The following COL11A1 variants were observed in gnomAD, a reference collection of about 807,000 sequenced individuals.
The protein encoded by COL11A1 is collagen type XI alpha 1 chain, also known as collagen alpha-1(XI) chain.
Under a neutral mutation model 265.2 loss-of-function variants are expected in COL11A1, and 74 were observed. The observed-to-expected ratio is 0.28, with a 90% CI of 0.23 to 0.34. COL11A1 has a LOEUF of 0.34. COL11A1 is among the 10% of genes least tolerant of loss of function. The pLI is 1.00. For missense variants in COL11A1, 2,165 were observed against 2,263.6 expected, an observed-to-expected ratio of 0.96 and a Z score of 0.88; for synonymous variants, 816 against 727.6, an observed-to-expected ratio of 1.12 and a Z score of -1.96.
chr1:102,890,514 A>G lies in COL11A1; in HGVS notation c.4303-10T>C, dbSNP rs912413662. ...GTAAGCCAGGAGGTCCCTAAATAATAACAAAAAAAAAACCCCAAAACAAAA... is the reference window on the plus strand; with the variant it reads ...GTAAGCCAGGAGGTCCCTAAATAATGACAAAAAAAAAACCCCAAAACAAAA... On this transcript the variant is annotated splice_polypyrimidine_tract_variant and intron_variant, in intron 57 of 66. Transcript: ENST00000370096. 3.2e-6 allele frequency: 5 copies of G among 1,586,330 alleles called. No homozygotes were observed. The highest frequency in any genetic ancestry group is 4.3e-6 in the Non-Finnish European group (5 of 1,171,558).
At chr1:102,993,901 A>G (rs577702703) in intron 28 of COL11A1, among the ~76,000 whole-genome samples, 1 of 152,218 alleles carries the variant, frequency 6.6e-6, no homozygotes, top group Admixed American at 6.5e-5. Context: ...GGTTTATTGA[A>G]TCCATGGATG....
intron 49 of COL11A1, among the ~76,000 whole-genome samples, chr1:102,916,354 G>C (rs1655341272): frequency 6.6e-6 from 1 of 152,070 alleles, no homozygotes; most frequent in Non-Finnish European, 1.5e-5. Flanking sequence ...AGCTATGAAA[G>C]TCTGTTGCTA....
intron 37 of COL11A1, 72 bp from the exon 38 acceptor site, chr1:102,965,612 C>A: frequency 8.2e-7 from 1 of 1,222,812 alleles, no homozygotes; most frequent in Non-Finnish European, 1.2e-6. Flanking sequence ...TATGAGATAG[C>A]TGAATAAGTC....
chr1:103,005,275 T>A (rs1023103355), intron 18 of COL11A1, among the ~76,000 whole-genome samples: 2 of 152,156 alleles, frequency 1.3e-5, no homozygotes, highest in Admixed American at 6.5e-5. Context: ...CTAAAGCTGA[T>A]CTTTTTCTGA....
chr1:102,897,691 G>GT, intron 57 of COL11A1, among the ~76,000 whole-genome samples: 1 of 152,202 alleles, frequency 6.6e-6, no homozygotes, highest in East Asian at 1.9e-4. Flanking sequence ...TTTTCACTGA[G>GT]TTTTACTGTT....
chr1:103,070,492 A>T (rs1345604322), intron 4 of COL11A1, among the ~76,000 whole-genome samples: 1 of 151,846 alleles, frequency 6.6e-6, no homozygotes, highest in Non-Finnish European at 1.5e-5. Flanking sequence ...CATTTGTAAA[A>T]GTCCCAGAAA....
At chr1:103,030,221 C>T (rs930144292) in intron 5 of COL11A1, among the ~76,000 whole-genome samples, 2 of 151,932 alleles carry the variant, frequency 1.3e-5, no homozygotes, top group African/African-American at 4.8e-5. Flanking sequence ...CTGTTAGGTT[C>T]TTAAAATTTT....
In COL11A1 at chr1:102,997,097, C is replaced by T; in HGVS notation, c.2224G>A (p.Gly742Arg). The T allele has an allele frequency of 1.2e-6, 2 of 1,612,000 alleles. No homozygotes were observed. The highest frequency in any genetic ancestry group is 1.7e-6 in the Non-Finnish European group (2 of 1,178,500). ...GAACCTACCAGAGCCCCCTTTTCTC[C>T]AGACTGGCCTTCTTTCCCAGGATGA... Reference protein sequence around the residue: ...PGHPGKEGQSGEKGALGPPGP... With the variant: ...PGHPGKEGQSREKGALGPPGP... Residue 742 changes from glycine (G) to arginine (R), a missense_variant, in exon 26 of 67, where the codon GGA becomes AGA. By Grantham distance (125) the Gly-to-Arg change is moderately radical. Transcript: ENST00000370096.
intron 4 of COL11A1, among the ~76,000 whole-genome samples, chr1:103,048,464 T>C (rs889920480): frequency 1.3e-5 from 2 of 151,540 alleles, no homozygotes; most frequent in Non-Finnish European, 2.9e-5. Flanking sequence ...CTTTATCATT[T>C]TTTATTGCGT....
chr1:103,017,036 A>G (rs1310075729), intron 11 of COL11A1, among the ~76,000 whole-genome samples: 2 of 152,040 alleles, frequency 1.3e-5, no homozygotes, highest in East Asian at 3.9e-4. Context: ...TAAAATGACT[A>G]TTACACATAA....
At position 102,943,976 on chromosome 1, in the gene COL11A1, C is replaced by A. The variant is rs1253898541; in HGVS notation, c.3276+2873G>T. Among the ~76,000 whole-genome samples, 4 of 152,126 alleles carry A rather than the reference C, an allele frequency of 2.6e-5. No individual in the cohort carries two copies. The South Asian group carries it at 6.2e-4, about 24-fold the overall frequency. On this transcript the variant is annotated intron_variant, in intron 42 of 66. Transcript: ENST00000370096. ...AATTAAATTGGAGAAGGTTTTAGCC[C>A]CTTTCTTCTTACCTGCTTTCCAGAC...
chr1:103,087,290 G>A (rs1013052891), intron 1 of COL11A1, among the ~76,000 whole-genome samples: 4 of 152,044 alleles, frequency 2.6e-5, no homozygotes, highest in African/African-American at 9.7e-5. Flanking sequence ...TTTATTAAAC[G>A]GGAGAATAGA....
At chr1:102,951,837 T>C (rs956006308) in intron 41 of COL11A1, among the ~76,000 whole-genome samples, 2 of 152,160 alleles carry the variant, frequency 1.3e-5, no homozygotes, top group Non-Finnish European at 2.9e-5. Context: ...GGAAAATTGC[T>C]ATTGAATGTA....
intron 4 of COL11A1, among the ~76,000 whole-genome samples, chr1:103,050,006 GAC>G (rs1167693608): frequency 6.6e-6 from 1 of 152,128 alleles, no homozygotes; most frequent in African/African-American, 2.4e-5. Context: ...TGGGTAACCC[GAC>G]CTTTCTCTCT....
intron 5 of COL11A1, among the ~76,000 whole-genome samples, chr1:103,029,754 T>C (rs1212813328): frequency 3.9e-5 from 6 of 151,970 alleles, no homozygotes; most frequent in African/African-American, 1.4e-4. Context: ...ACTAAAATAG[T>C]AAATGGCAAG....
At chr1:102,970,581 T>G (rs1255609767) in intron 36 of COL11A1, among the ~76,000 whole-genome samples, 1 of 152,206 alleles carries the variant, frequency 6.6e-6, no homozygotes, top group Non-Finnish European at 1.5e-5. Flanking sequence ...TTGTGAAAAA[T>G]ATTACTTCTT....
rs773548822 is a variant in COL11A1, at chr1:102,974,823, C to T, written c.2808+7G>A. 2 of 1,609,810 alleles carry T rather than the reference C, an allele frequency of 1.2e-6. No homozygotes were observed. The highest frequency in any genetic ancestry group is 1.1e-5 in the South Asian group (1 of 90,984). Reference sequence around the variant, plus strand: ...GAAGAAAGAGAAAGAGAAGCTCTGACACTTACAGGAGGGCCTTTTGGTCCA... The same window carrying T: ...GAAGAAAGAGAAAGAGAAGCTCTGATACTTACAGGAGGGCCTTTTGGTCCA... On this transcript the variant is annotated splice_region_variant and intron_variant, in intron 36 of 66. Transcript: ENST00000370096.
intron 1 of COL11A1, among the ~76,000 whole-genome samples, chr1:103,095,903 C>T (rs751172649): frequency 2.0e-5 from 3 of 151,890 alleles, no homozygotes; most frequent in Non-Finnish European, 4.4e-5. Flanking sequence ...GTGAATACTG[C>T]TATAAAAAAG....
At chr1:103,016,172 A>C (rs982839242) in intron 11 of COL11A1, among the ~76,000 whole-genome samples, 1 of 152,078 alleles carries the variant, frequency 6.6e-6, no homozygotes, top group African/African-American at 2.4e-5. Flanking sequence ...TAACAGATAC[A>C]TAAATAGTAT....
Sources: allele counts gnomAD v4.1 joint callset (sites outside exome capture counted in the v4.1 genomes callset), GRCh38; gene constraint gnomAD v4.1.1; transcripts MANE v1.5; gene names NCBI Gene and HGNC (gene_info 2026-07-23, HGNC 2026-07-21).